RASAL1: variants seen among roughly 807,000 people sequenced by gnomAD.
The protein encoded by RASAL1 is RAS protein activator like 1.
A neutral mutation model predicts 96.6 loss-of-function variants in RASAL1; 72 were observed. That is an observed-to-expected ratio of 0.75 (90% CI 0.62 to 0.91). The LOEUF (loss-of-function observed/expected upper bound fraction) is 0.91, where lower values mean the gene tolerates loss of function less well. Among genes scored for constraint, RASAL1 ranks in the 40% least tolerant of loss-of-function variants. The pLI is 0.00. For missense variants in RASAL1, 1,016 were observed against 1,072.5 expected, an observed-to-expected ratio of 0.95 and a Z score of 0.74; for synonymous variants, 405 against 430.4, an observed-to-expected ratio of 0.94 and a Z score of 0.73.
chr12:113,124,217 C>CA (rs35190885), intron 4 of RASAL1, among the ~76,000 whole-genome samples: 1,454 of 98,256 alleles, frequency 0.015, 26 homozygotes, highest in African/African-American at 0.049. Flanking sequence ...GACTCTGTCT[C>CA]AAAAAAAAAA....
chr12:113,107,015 G>T, intron 15 of RASAL1, 82 bp downstream of exon 15: 1 of 1,416,618 alleles, frequency 7.1e-7, no homozygotes, highest in Non-Finnish European at 9.7e-7. Flanking sequence ...GTGCTGAGGA[G>T]CTGGAGGGGG....
At chr12:113,112,825 G>A (rs1269450860) in intron 12 of RASAL1, among the ~76,000 whole-genome samples, 5 of 152,090 alleles carry the variant, frequency 3.3e-5, no homozygotes, top group South Asian at 2.1e-4. Context: ...GGTGGTGCAC[G>A]CCTATAATCT....
intron 12 of RASAL1, 132 bp from the exon 13 acceptor site, chr12:113,112,410 C>T: frequency 3.2e-6 from 2 of 621,880 alleles, no homozygotes; most frequent in Non-Finnish European, 4.7e-6. Flanking sequence ...TGCCCCTTCC[C>T]ACCGGGTTTC....
chr12:113,111,922 C>T (rs1427843049), intron 13 of RASAL1, among the ~76,000 whole-genome samples, 164 bp downstream of exon 13: 3 of 152,186 alleles, frequency 2.0e-5, no homozygotes, highest in Non-Finnish European at 4.4e-5. Context: ...TACTATCATT[C>T]TTGGGACCCG....
At chr12:113,101,394 C>A (rs554103084) in intron 19 of RASAL1, among the ~76,000 whole-genome samples, 200 of 152,282 alleles carry the variant, frequency 1.3e-3, no homozygotes, top group Middle Eastern at 6.8e-3. Context: ...CCAGCCTGGG[C>A]AACAGAGCCA....
rs1343477599 is a variant in RASAL1 at position 113,135,715 on chromosome 12, G to A, written c.-253C>T. The A allele has an allele frequency of 1.8e-5, 7 of 391,780 alleles. No homozygotes were observed. Among genetic ancestry groups the A allele is most frequent in the Non-Finnish European group, 3.2e-5 (7 of 216,960 alleles). The allele number at this position is 391,780 out of a possible 1,614,324, so 24.3% of individuals were successfully genotyped here. On this transcript the variant is annotated 5_prime_UTR_variant, in exon 1 of 21. Coordinates refer to ENST00000548055, the MANE Select transcript of RASAL1 (RefSeq NM_001301202.2). The surrounding 1 kb of genome is among the most constrained non-coding windows in gnomAD (Gnocchi z 5.7). ...GCAGGAGGAGCGCGCAGGGGGCGCA[G>A]CGGGCTCTTGCCGAGGCGTCTGGAG... is the stretch of plus-strand genomic sequence containing the variant.
At chr12:113,101,072 T>TCC (rs1639681127) in intron 19 of RASAL1, among the ~76,000 whole-genome samples, 1 of 152,166 alleles carries the variant, frequency 6.6e-6, no homozygotes, top group South Asian at 2.1e-4. Flanking sequence ...GCTCATTTGA[T>TCC]CCTCAGGACA....
Position 113,114,909 on chromosome 12 carries a change from C to T in RASAL1, c.1072G>A (p.Val358Met), listed in dbSNP as rs372767854. The T allele has an allele frequency of 3.2e-5, 51 of 1,613,024 alleles. No homozygotes were observed. The highest frequency in any genetic ancestry group is 3.6e-5 in the Non-Finnish European group (43 of 1,179,384). Residue 358 changes from valine (V) to methionine (M), a missense_variant, in exon 12 of 21, where the codon GTG becomes ATG. Val to Met is a conservative substitution (Grantham distance 21). Coordinates refer to ENST00000548055, the MANE Select transcript of RASAL1 (RefSeq NM_001301202.2). ...SKSMEQFMKL[V>M]GMPYLHEVLK... Reference sequence around the variant, plus strand: ...ACCTCGTGCAGGTAGGGCATGCCCACGAGCTGGGGGCAGGGGGCACCACAC... The same window carrying T: ...ACCTCGTGCAGGTAGGGCATGCCCATGAGCTGGGGGCAGGGGGCACCACAC...
In RASAL1 at chr12:113,135,526, G is replaced by T; in HGVS notation, c.-64C>A. On this transcript the variant is annotated 5_prime_UTR_variant, in exon 1 of 21. Transcript: ENST00000548055. The surrounding 1 kb of genome is among the most constrained non-coding windows in gnomAD (Gnocchi z 5.7). ...AGGTTCCGAGGCTGGACCAGGGGAC[G>T]TCTACATGTCACCTGCTTCAAGCCT... 1 of 1,371,890 alleles carries T rather than the reference G, an allele frequency of 7.3e-7. No individual in the cohort carries two copies. Among genetic ancestry groups the T allele is most frequent in the Non-Finnish European group, 1.0e-6 (1 of 986,178 alleles). 85.0% of individuals were successfully genotyped at this position (1,371,890 alleles called of 1,614,324 possible).
intron 14 of RASAL1, 136 bp from the exon 15 acceptor site, chr12:113,107,377 CT>C: frequency 2.8e-6 from 3 of 1,055,244 alleles, no homozygotes; most frequent in South Asian, 3.3e-5. Context: ...AATCCCAGCA[CT>C]TTGGGAGGCC....
Position 113,130,868 on chromosome 12 carries a change from G to A in RASAL1, c.122+17C>T, listed in dbSNP as rs374162859. On this transcript the variant is annotated intron_variant, in intron 2 of 20. Coordinates refer to ENST00000548055, the MANE Select transcript of RASAL1 (RefSeq NM_001301202.2). The surrounding 1 kb of genome is among the most constrained non-coding windows in gnomAD (Gnocchi z 5.1). ...GACCCCTCCCTTCCTCCTCTCCCCC[G>A]TGTCGCCACCCCTCACCTGGCCACC... The A allele has an allele frequency of 1.1e-5, 18 of 1,609,194 alleles. No individual in the cohort carries two copies. The highest frequency in any genetic ancestry group is 5.4e-5 in the African/African-American group (4 of 74,764).
intron 13 of RASAL1, among the ~76,000 whole-genome samples, chr12:113,110,501 G>A (rs1354803192): frequency 6.6e-6 from 1 of 152,206 alleles, no homozygotes; most frequent in Non-Finnish European, 1.5e-5. Context: ...CACCTCGGGA[G>A]GTGTGCTGAG....
At chr12:113,101,812 T>C in intron 19 of RASAL1, 77 bp downstream of exon 19, 1 of 1,524,130 alleles carries the variant, frequency 6.6e-7, no homozygotes, top group Non-Finnish European at 8.8e-7. Flanking sequence ...AATGAATAAA[T>C]GGACACAGCA....
chr12:113,113,387 G>A (rs1340780609), intron 12 of RASAL1, among the ~76,000 whole-genome samples: 2 of 152,174 alleles, frequency 1.3e-5, no homozygotes, highest in East Asian at 3.9e-4. Flanking sequence ...TAGAACCCAG[G>A]ACTGCCAACT....
intron 5 of RASAL1, among the ~76,000 whole-genome samples, chr12:113,120,718 C>CTGGT (rs926603072): frequency 6.6e-6 from 1 of 152,142 alleles, no homozygotes; most frequent in Non-Finnish European, 1.5e-5. Flanking sequence ...GTCCCATGAG[C>CTGGT]TGGTGCCCCT....
At chr12:113,121,378 A>G (rs1592939563) in intron 5 of RASAL1, 131 bp downstream of exon 5, 2 of 1,436,696 alleles carry the variant, frequency 1.4e-6, no homozygotes, top group East Asian at 4.6e-5. Flanking sequence ...TTGTCCACAC[A>G]GGGAACCTGA....
In RASAL1 at chr12:113,135,649, G is replaced by T; in HGVS notation, c.-187C>A. 1 of 595,310 alleles carries T rather than the reference G, an allele frequency of 1.7e-6. No homozygotes were observed. The highest frequency in any genetic ancestry group is 3.0e-6 in the Non-Finnish European group (1 of 332,698). The allele number at this position is 595,310 out of a possible 1,614,324, so 36.9% of individuals were successfully genotyped here. A position where few individuals can be genotyped will look rare whatever the true frequency, so the allele number is the denominator to read the frequency against. ...GAGAAGGTGTAGGTGCCCGGGGAGGGAGCGCCCGTCCGGACTCTACAGGTA... is the reference window on the plus strand; with the variant it reads ...GAGAAGGTGTAGGTGCCCGGGGAGGTAGCGCCCGTCCGGACTCTACAGGTA... On this transcript the variant is annotated 5_prime_UTR_variant, in exon 1 of 21. Transcript: ENST00000548055. This position sits in a 1 kb window ranked among gnomAD's most constrained non-coding sequence, Gnocchi z 5.7.
chr12:113,112,717 C>T (rs1950915322), intron 12 of RASAL1, among the ~76,000 whole-genome samples: 1 of 152,038 alleles, frequency 6.6e-6, no homozygotes, highest in Non-Finnish European at 1.5e-5. Context: ...TCTGGGAGGC[C>T]GAGGGGGCAG....
rs1592924434 is a variant in RASAL1 at position 113,115,771 on chromosome 12, G to A, written c.867C>T (p.Pro289=). 1.2e-6 allele frequency: 2 copies of A among 1,614,190 alleles called. No individual in the cohort carries two copies. The highest frequency in any genetic ancestry group is 4.5e-5 in the East Asian group (2 of 44,896). Reference sequence around the variant, plus strand: ...AGGTCAGCTCTTCCAGCAAAGCCAAGGGGCTAGCAGTGTCCTCCTGGGTGG... The same window carrying A: ...AGGTCAGCTCTTCCAGCAAAGCCAAAGGGCTAGCAGTGTCCTCCTGGGTGG... ...QGPAEEDTAS[P]LALLEELTLG... The change falls in exon 10 of 21, where the codon CCC becomes CCT. Residue 289 remains proline (P), a synonymous_variant. Coordinates refer to ENST00000548055, the MANE Select transcript of RASAL1 (RefSeq NM_001301202.2). This position sits in a 1 kb window ranked among gnomAD's most constrained non-coding sequence, Gnocchi z 4.1.
Sources: allele counts gnomAD v4.1 joint callset (sites outside exome capture counted in the v4.1 genomes callset), GRCh38; gene constraint gnomAD v4.1.1; non-coding constraint Gnocchi (gnomAD v3.1); transcripts MANE v1.5; gene names NCBI Gene and HGNC (gene_info 2026-07-23, HGNC 2026-07-21).